SEPTIN7: variants seen among roughly 807,000 people sequenced by gnomAD.
The protein encoded by SEPTIN7 is septin 7.
Under a neutral mutation model 63.3 loss-of-function variants are expected in SEPTIN7, and 10 were observed. That is an observed-to-expected ratio of 0.16 (90% CI 0.10 to 0.27). SEPTIN7 has a LOEUF of 0.27. Ranked by LOEUF, SEPTIN7 falls within the 10% of genes least tolerant of loss-of-function variation. The pLI is 1.00. For missense variants in SEPTIN7, 310 were observed against 521.0 expected (o/e 0.59, Z 3.94); for synonymous variants, 131 against 165.3 (o/e 0.79, Z 1.59).
intron 11 of SEPTIN7, among the ~76,000 whole-genome samples, chr7:35,893,084 A>G (rs1787746987): frequency 6.6e-6 from 1 of 152,168 alleles, no homozygotes; most frequent in Non-Finnish European, 1.5e-5. Flanking sequence ...TTAACAACTT[A>G]TGGTGCTTTA....
intron 1 of SEPTIN7, among the ~76,000 whole-genome samples, chr7:35,825,951 A>G (rs2115833221): frequency 1.3e-5 from 2 of 152,252 alleles, no homozygotes; most frequent in South Asian, 4.1e-4. Context: ...TATCAGTAAA[A>G]AGAGGAGAGC....
At chr7:35,816,677 A>G (rs1266650422) in intron 1 of SEPTIN7, among the ~76,000 whole-genome samples, 1 of 152,070 alleles carries the variant, frequency 6.6e-6, no homozygotes, top group African/African-American at 2.4e-5. Context: ...CAGCTGCCTT[A>G]TTTTACATTT....
chr7:35,812,328 ATT>A (rs1323416018), intron 1 of SEPTIN7, among the ~76,000 whole-genome samples: 1 of 117,140 alleles, frequency 8.5e-6, no homozygotes, highest in Admixed American at 8.7e-5. Flanking sequence ...CCACCCCCCC[ATT>A]TTTTTTTTTT....
At chr7:35,839,770 G>T (rs576452943) in intron 3 of SEPTIN7, among the ~76,000 whole-genome samples, 1 of 152,212 alleles carries the variant, frequency 6.6e-6, no homozygotes, top group South Asian at 2.1e-4. Flanking sequence ...GGCCAGGCTG[G>T]TCTTGAACTC....
At chr7:35,844,669 G>A (rs764654137) in intron 3 of SEPTIN7, among the ~76,000 whole-genome samples, 4 of 151,832 alleles carry the variant, frequency 2.6e-5, no homozygotes, top group Non-Finnish European at 4.4e-5. Context: ...GCGTGATCTC[G>A]GCTCACTGCA....
chr7:35,805,741 GT>G (rs1348793344), intron 1 of SEPTIN7, among the ~76,000 whole-genome samples: 3 of 152,078 alleles, frequency 2.0e-5, no homozygotes, highest in African/African-American at 7.2e-5. Flanking sequence ...GTATTCATGT[GT>G]CATTTGCATT....
chr7:35,872,313 T>A (rs951899701), intron 4 of SEPTIN7, among the ~76,000 whole-genome samples: 10 of 152,200 alleles, frequency 6.6e-5, no homozygotes, highest in African/African-American at 2.4e-4. Context: ...CTCAAACTGC[T>A]TATTTGTATT....
chr7:35,891,367 C>CAT (rs138311128), intron 11 of SEPTIN7, among the ~76,000 whole-genome samples: 2,246 of 152,212 alleles, frequency 0.015, 50 homozygotes, highest in African/African-American at 0.05. Flanking sequence ...TTGTAAACAT[C>CAT]ATAGAGTATC....
intron 1 of SEPTIN7, among the ~76,000 whole-genome samples, chr7:35,804,729 C>T (rs1323377546): frequency 1.3e-5 from 2 of 152,096 alleles, no homozygotes; most frequent in Admixed American, 6.5e-5. Context: ...GCCTACTATA[C>T]ACCTGGGCTA....
At chr7:35,897,269 G>A (rs1583648206) in intron 11 of SEPTIN7, among the ~76,000 whole-genome samples, 1 of 152,136 alleles carries the variant, frequency 6.6e-6, no homozygotes, top group African/African-American at 2.4e-5. Flanking sequence ...GCCAAAGAAG[G>A]ACCTATCTCT....
chr7:35,826,465 A>G (rs1341832591), intron 1 of SEPTIN7, among the ~76,000 whole-genome samples: 2 of 151,320 alleles, frequency 1.3e-5, no homozygotes, highest in African/African-American at 2.4e-5. Context: ...ATCAATGGCT[A>G]TTTTTGAAAT....
intron 4 of SEPTIN7, among the ~76,000 whole-genome samples, chr7:35,869,959 G>A (rs1481426948): frequency 4.6e-5 from 7 of 152,330 alleles, no homozygotes; most frequent in East Asian, 1.9e-4. Flanking sequence ...AGGAAAGTGC[G>A]TGGGAAAGTG....
At chr7:35,854,855 G>T (rs1210500338) in intron 3 of SEPTIN7, among the ~76,000 whole-genome samples, 2 of 151,884 alleles carry the variant, frequency 1.3e-5, no homozygotes, top group Non-Finnish European at 2.9e-5. Flanking sequence ...AAATTTAAAT[G>T]TTTCATAACC....
intron 11 of SEPTIN7, 106 bp from the exon 12 acceptor site, chr7:35,898,142 A>C (rs529174540): frequency 1.4e-6 from 1 of 721,110 alleles, no homozygotes; most frequent in East Asian, 2.8e-5. Flanking sequence ...TAAATATATT[A>C]ATAGTGACAT....
At chr7:35,911,214 C>T (rs192028739), downstream of SEPTIN7, among the ~76,000 whole-genome samples, 738 of 152,284 alleles carry the variant, frequency 4.8e-3, 9 homozygotes, top group African/African-American at 0.015. Flanking sequence ...GCTATGATAG[C>T]GGTAATCACC....
intron 3 of SEPTIN7, among the ~76,000 whole-genome samples, chr7:35,845,084 A>C (rs993353808): frequency 4.6e-5 from 7 of 152,012 alleles, no homozygotes; most frequent in Admixed American, 3.9e-4. Flanking sequence ...ATAAAAATAA[A>C]AGAGCTGTGG....
At chr7:35,893,612 G>A (rs1397986066) in intron 11 of SEPTIN7, among the ~76,000 whole-genome samples, 1 of 152,156 alleles carries the variant, frequency 6.6e-6, no homozygotes, top group Non-Finnish European at 1.5e-5. Flanking sequence ...TATCCCCGTT[G>A]TTAAGCAGTG....
At chr7:35,911,100 A>T (rs577859001), downstream of SEPTIN7, among the ~76,000 whole-genome samples, 1 of 152,196 alleles carries the variant, frequency 6.6e-6, no homozygotes, top group South Asian at 2.1e-4. Context: ...AACACCCATC[A>T]AACACAGCCA....
intron 4 of SEPTIN7, among the ~76,000 whole-genome samples, chr7:35,868,565 G>T (rs561875949): frequency 1.3e-5 from 2 of 152,250 alleles, no homozygotes; most frequent in South Asian, 4.2e-4. Context: ...ATGGCAGTGG[G>T]TTGAGAAGTG....
Sources: gnomAD v4.1 joint callset for allele counts (sites outside exome capture counted in the v4.1 genomes callset) on GRCh38, gnomAD v4.1.1 for gene constraint, MANE v1.5 for transcripts, NCBI Gene and HGNC (gene_info 2026-07-23, HGNC 2026-07-21) for gene names.